Variants in ACTR3B observed in about 807,000 individuals in gnomAD.
ACTR3B encodes actin-related protein 3B.
ACTR3B carries 8 observed loss-of-function variants against 59.0 expected under a neutral mutation model. That is an observed-to-expected ratio of 0.14 (90% confidence interval 0.08 to 0.24). The LOEUF is 0.24. Ranked by LOEUF, ACTR3B falls within the 10% of genes least tolerant of loss-of-function variation. ACTR3B has a pLI of 1.00. For missense variants in ACTR3B, 245 were observed against 552.3 expected, an observed-to-expected ratio of 0.44 and a Z score of 5.58; for synonymous variants, 148 against 197.9, an observed-to-expected ratio of 0.75 and a Z score of 2.12.
At chr7:152,774,213 T>G (rs2098131139) in intron 1 of ACTR3B, among the ~76,000 whole-genome samples, 1 of 152,254 alleles carries the variant, frequency 6.6e-6, no homozygotes, top group Admixed American at 6.5e-5. Context: ...CTCAACTCAC[T>G]GCAACCTCCG....
intron 1 of ACTR3B, among the ~76,000 whole-genome samples, chr7:152,773,999 T>C (rs371990335): frequency 2.0e-5 from 3 of 152,194 alleles, no homozygotes; most frequent in African/African-American, 7.2e-5. Context: ...GGGCTCGTTC[T>C]CAGCTCTTGC....
intron 1 of ACTR3B, among the ~76,000 whole-genome samples, chr7:152,771,820 A>T (rs1002891844): frequency 6.6e-6 from 1 of 152,256 alleles, no homozygotes; most frequent in Non-Finnish European, 1.5e-5. Context: ...TCGTGCCTAT[A>T]ATCCCAGCAC....
chr7:152,831,663 T>C (rs932262229), intron 9 of ACTR3B, among the ~76,000 whole-genome samples: 1 of 152,100 alleles, frequency 6.6e-6, no homozygotes, highest in African/African-American at 2.4e-5. Flanking sequence ...GAATGCAGCA[T>C]GGGAGGGGAA....
Position 152,824,497 on chromosome 7 carries a change from C to A in ACTR3B, c.859-533C>A, listed in dbSNP as rs983702537. ...GCTTATTTAACTTATGGAATTGAAT[C>A]TATGGCTGTTTATTCAATAACATGA... On this transcript the variant is annotated intron_variant, in intron 8 of 11. Coordinates refer to ENST00000256001, the MANE Select transcript of ACTR3B (RefSeq NM_020445.6). The surrounding 1 kb of genome is among the most constrained non-coding windows in gnomAD (Gnocchi z 4.2). Among the ~76,000 whole-genome samples, 3 of 152,158 alleles carry A rather than the reference C, an allele frequency of 2.0e-5. No individual in the cohort carries two copies. The highest frequency in any genetic ancestry group is 2.9e-5 in the Non-Finnish European group (2 of 68,028).
chr7:152,776,866 T>C (rs1012095890), intron 1 of ACTR3B, among the ~76,000 whole-genome samples: 5 of 152,222 alleles, frequency 3.3e-5, no homozygotes, highest in African/African-American at 1.2e-4. Context: ...AGCTATATTA[T>C]ACATCCGTTT....
rs573433436 is a variant in ACTR3B at position 152,812,542 on chromosome 7, T to G, written c.337-2008T>G. On this transcript the variant is annotated intron_variant, in intron 4 of 11. Coordinates refer to ENST00000256001, the MANE Select transcript of ACTR3B (RefSeq NM_020445.6). The stretch of plus-strand genomic sequence containing the variant: ...CCTTAGTATTTTATTTTATTGTTTT[T>G]TTTTAAATTGACACATAATGTGCAT... The G allele has an allele frequency of 6.4e-5, 9 of 141,198 alleles. No individual in the cohort carries two copies. In the South Asian group the frequency reaches 2.3e-3, roughly 36 times the overall value. The allele number at this position is 141,198 out of a possible 1,614,324, so 8.7% of individuals were successfully genotyped here. A position where few individuals can be genotyped will look rare whatever the true frequency, so the allele number is the denominator to read the frequency against.
At chr7:152,760,075 C>T (rs1035948502) in intron 1 of ACTR3B, 149 bp downstream of exon 1, 2 of 622,024 alleles carry the variant, frequency 3.2e-6, no homozygotes, top group East Asian at 3.7e-5. Flanking sequence ...CCGCCGCTTC[C>T]CTCCAAGCCT....
intron 5 of ACTR3B, among the ~76,000 whole-genome samples, chr7:152,815,239 G>A (rs898914946): frequency 7.2e-5 from 11 of 152,310 alleles, no homozygotes; most frequent in African/African-American, 2.4e-4. Flanking sequence ...GGAGGAGGAG[G>A]AGGAAAAGTT....
chr7:152,835,493 TAAA>T (rs941884676), intron 9 of ACTR3B, among the ~76,000 whole-genome samples: 2 of 152,218 alleles, frequency 1.3e-5, no homozygotes, highest in Non-Finnish European at 2.9e-5. Flanking sequence ...GCATTATGTC[TAAA>T]AAACCAGTGT....
intron 1 of ACTR3B, among the ~76,000 whole-genome samples, chr7:152,779,004 TTC>T (rs2116586917): frequency 6.9e-6 from 1 of 144,684 alleles, no homozygotes; most frequent in Admixed American, 7.0e-5. Context: ...GAGTTATTTC[TTC>T]TGAACTTCTG....
chr7:152,769,803 G>A (rs909627482), intron 1 of ACTR3B, among the ~76,000 whole-genome samples: 4 of 149,820 alleles, frequency 2.7e-5, no homozygotes, highest in African/African-American at 9.9e-5. Flanking sequence ...CCAACTATGA[G>A]TAATTATGAA....
chr7:152,821,593 AC>A (rs1351889711), intron 7 of ACTR3B, among the ~76,000 whole-genome samples: 1 of 152,044 alleles, frequency 6.6e-6, no homozygotes, highest in Non-Finnish European at 1.5e-5. Flanking sequence ...GGCTTTCCTG[AC>A]CCTCATGCTG....
At chr7:152,844,117 G>C (rs1345663882) in intron 9 of ACTR3B, among the ~76,000 whole-genome samples, 1 of 152,126 alleles carries the variant, frequency 6.6e-6, no homozygotes, top group Non-Finnish European at 1.5e-5. Context: ...GAGTGTAATG[G>C]TGCCATCTCG....
At chr7:152,778,986 G>T (rs1368747269) in intron 1 of ACTR3B, among the ~76,000 whole-genome samples, 1 of 114,416 alleles carries the variant, frequency 8.7e-6, no homozygotes, top group Non-Finnish European at 1.8e-5. Flanking sequence ...AAAAAAAAAA[G>T]GACATATGAG....
At chr7:152,809,265 A>G (rs551244963) in intron 4 of ACTR3B, among the ~76,000 whole-genome samples, 108 of 151,044 alleles carry the variant, frequency 7.2e-4, no homozygotes, top group Middle Eastern at 6.8e-3. Flanking sequence ...TACTTGGGGC[A>G]GTGTGTTTGA....
At chr7:152,800,187 G>A (rs914861988) in intron 2 of ACTR3B, among the ~76,000 whole-genome samples, 2 of 152,054 alleles carry the variant, frequency 1.3e-5, no homozygotes, top group African/African-American at 4.8e-5. Flanking sequence ...CTTCTATATT[G>A]TATTTTAAAT....
chr7:152,773,744 GT>G (rs1749191500), intron 1 of ACTR3B, among the ~76,000 whole-genome samples: 1 of 152,114 alleles, frequency 6.6e-6, no homozygotes, highest in African/African-American at 2.4e-5. Flanking sequence ...TTTTATCATT[GT>G]ACTCTGACCC....
Position 152,854,561 on chromosome 7 carries a change from C to T in ACTR3B, c.*8C>T. On this transcript the variant is annotated 3_prime_UTR_variant, in exon 12 of 12. Transcript: ENST00000256001. This position sits in a 1 kb window ranked among gnomAD's most constrained non-coding sequence, Gnocchi z 4.9. ...TTTGGAGTCATGTCCTAGTGTCTGC[C>T]TGAACGCGTCGTTCGATGGTGTCAC... 1 of 1,613,408 alleles carries T rather than the reference C, an allele frequency of 6.2e-7. No individual in the cohort carries two copies. The highest frequency in any genetic ancestry group is 8.5e-7 in the Non-Finnish European group (1 of 1,179,506).
chr7:152,830,219 A>G (rs1039389115), intron 9 of ACTR3B, among the ~76,000 whole-genome samples: 1 of 152,182 alleles, frequency 6.6e-6, no homozygotes, highest in Non-Finnish European at 1.5e-5. Flanking sequence ...ATGAGCGCAG[A>G]TAGAAGGAGA....
Sources: gnomAD v4.1 joint callset for allele counts (sites outside exome capture counted in the v4.1 genomes callset) on GRCh38, gnomAD v4.1.1 for gene constraint, Gnocchi (gnomAD v3.1) non-coding constraint, MANE v1.5 for transcripts, NCBI Gene and HGNC (gene_info 2026-07-23, HGNC 2026-07-21) for gene names.